SNAP25: variants seen among roughly 807,000 people sequenced by gnomAD.
SNAP25 encodes synaptosome associated protein 25, also known as synaptosomal-associated protein 25.
Under a neutral mutation model 28.7 loss-of-function variants are expected in SNAP25, and 3 were observed. That is an observed-to-expected ratio of 0.10 (90% CI 0.05 to 0.27). The LOEUF is 0.27. SNAP25 is among the 10% of genes least tolerant of loss of function. The pLI, the probability that SNAP25 is intolerant of heterozygous loss-of-function variation, is 1.00. For synonymous variants in SNAP25, 61 were observed against 88.1 expected, an observed-to-expected ratio of 0.69 and a Z score of 1.72; for missense variants, 117 against 278.7, an observed-to-expected ratio of 0.42 and a Z score of 4.13.
At chr20:10,262,090 C>A (rs1282408308) in intron 1 of SNAP25, among the ~76,000 whole-genome samples, 1 of 152,020 alleles carries the variant, frequency 6.6e-6, no homozygotes, top group Non-Finnish European at 1.5e-5. Context: ...CAGAGAAGAT[C>A]TAAGTCAGAA....
intron 1 of SNAP25, among the ~76,000 whole-genome samples, chr20:10,250,376 T>A (rs1480185275): frequency 2.6e-5 from 4 of 152,212 alleles, no homozygotes; most frequent in African/African-American, 9.7e-5. Flanking sequence ...ACCTTCCATC[T>A]GCTTAGAACC....
chr20:10,283,605 T>G (rs2063819928), intron 3 of SNAP25, among the ~76,000 whole-genome samples: 1 of 152,240 alleles, frequency 6.6e-6, no homozygotes, highest in Non-Finnish European at 1.5e-5. Context: ...TCAGAAGCAC[T>G]ATTGAAATTT....
At chr20:10,257,040 C>T (rs533573591) in intron 1 of SNAP25, among the ~76,000 whole-genome samples, 4 of 152,264 alleles carry the variant, frequency 2.6e-5, no homozygotes, top group African/African-American at 7.2e-5. Context: ...CTTGGCTGCA[C>T]ACTAAAGTCA....
chr20:10,306,008 C>T (rs961547171), intron 7 of SNAP25, 121 bp from the exon 8 acceptor site: 4 of 759,526 alleles, frequency 5.3e-6, no homozygotes, highest in African/African-American at 3.5e-5. Context: ...AAGGATGGCC[C>T]ATGCTGACCA....
At chr20:10,243,737 G>A (rs577817996) in intron 1 of SNAP25, among the ~76,000 whole-genome samples, 5 of 152,088 alleles carry the variant, frequency 3.3e-5, no homozygotes, top group Admixed American at 2.0e-4. Context: ...GTAATATTAC[G>A]CTCCGTTATT....
At chr20:10,264,207 C>T (rs186463503) in intron 1 of SNAP25, among the ~76,000 whole-genome samples, 8 of 152,172 alleles carry the variant, frequency 5.3e-5, no homozygotes, top group Admixed American at 2.0e-4. Flanking sequence ...CCGCTTTTCA[C>T]GATGCTGTCA....
chr20:10,284,103 T>C (rs571824132), intron 3 of SNAP25, among the ~76,000 whole-genome samples: 25 of 152,304 alleles, frequency 1.6e-4, no homozygotes, highest in Admixed American at 4.6e-4. Context: ...CCCTTATTTC[T>C]CATCTCAAAC....
chr20:10,247,059 G>A (rs536111590), intron 1 of SNAP25, among the ~76,000 whole-genome samples: 2 of 152,240 alleles, frequency 1.3e-5, no homozygotes, highest in Admixed American at 1.3e-4. Context: ...TGTCAACTAT[G>A]GTGTTTCTAA....
At chr20:10,283,197 C>A (rs1407875841) in intron 3 of SNAP25, among the ~76,000 whole-genome samples, 2 of 152,152 alleles carry the variant, frequency 1.3e-5, no homozygotes, top group Non-Finnish European at 2.9e-5. Flanking sequence ...ATTTTAGAAA[C>A]ACTTATTTTA....
At chr20:10,256,858 G>A (rs1329150100) in intron 1 of SNAP25, among the ~76,000 whole-genome samples, 2 of 152,144 alleles carry the variant, frequency 1.3e-5, no homozygotes, top group African/African-American at 4.8e-5. Flanking sequence ...GGAACATCAT[G>A]CAGTCATTAA....
At chr20:10,303,713 C>T (rs1244720536) in intron 7 of SNAP25, among the ~76,000 whole-genome samples, 1 of 152,098 alleles carries the variant, frequency 6.6e-6, no homozygotes, top group Admixed American at 6.5e-5. Context: ...TCCATAGAAT[C>T]GTTGTCTTCA....
At chr20:10,254,562 G>T (rs1327048871) in intron 1 of SNAP25, among the ~76,000 whole-genome samples, 2 of 152,154 alleles carry the variant, frequency 1.3e-5, no homozygotes, top group Non-Finnish European at 2.9e-5. Flanking sequence ...GTGCCTCTCT[G>T]CAAGTAGCTT....
intron 7 of SNAP25, among the ~76,000 whole-genome samples, chr20:10,305,502 G>A (rs6133850): frequency 0.31 from 47,531 of 151,968 alleles, 7,734 homozygotes; most frequent in East Asian, 0.64. Context: ...TGATCACACC[G>A]CTGTTCCCCA....
intron 1 of SNAP25, among the ~76,000 whole-genome samples, chr20:10,227,800 GA>G (rs1320906062): frequency 6.6e-6 from 1 of 152,160 alleles, no homozygotes; most frequent in African/African-American, 2.4e-5. Flanking sequence ...TCACTAGGAT[GA>G]AAAGGATATT....
chr20:10,302,287 C>A (rs563817851), intron 7 of SNAP25, among the ~76,000 whole-genome samples: 1 of 152,114 alleles, frequency 6.6e-6, no homozygotes, highest in Non-Finnish European at 1.5e-5. Context: ...GACAGGCACA[C>A]GTTGGAATAC....
chr20:10,238,905 A>AAATAAT (rs199598399), intron 1 of SNAP25, among the ~76,000 whole-genome samples: 1,877 of 149,368 alleles, frequency 0.013, 24 homozygotes, highest in Middle Eastern at 0.052. Context: ...ACTCCGTTTC[A>AAATAAT]AATAATAATA....
At chr20:10,259,020 C>T (rs771012896) in intron 1 of SNAP25, among the ~76,000 whole-genome samples, 15 of 152,210 alleles carry the variant, frequency 9.9e-5, no homozygotes, top group South Asian at 2.1e-4. Context: ...AGTAGGTTGG[C>T]GTATAGTAGG....
chr20:10,247,456 C>T (rs933764831), intron 1 of SNAP25, among the ~76,000 whole-genome samples: 12 of 152,236 alleles, frequency 7.9e-5, no homozygotes, highest in Non-Finnish European at 1.8e-4. Flanking sequence ...ACTGGAAATA[C>T]ATTTCAGCTT....
intron 1 of SNAP25, among the ~76,000 whole-genome samples, chr20:10,230,270 G>T (rs945852060): frequency 2.0e-5 from 3 of 152,110 alleles, no homozygotes; most frequent in African/African-American, 7.2e-5. Context: ...GTAAAGGAAG[G>T]GGTGGAGGGA....
Sources: allele counts gnomAD v4.1 joint callset (sites outside exome capture counted in the v4.1 genomes callset), GRCh38; gene constraint gnomAD v4.1.1; transcripts MANE v1.5; gene names NCBI Gene and HGNC (gene_info 2026-07-23, HGNC 2026-07-21).